Variants in AKT3 observed in about 807,000 individuals in gnomAD.
AKT3 encodes the protein AKT serine/threonine kinase 3, also known as RAC-gamma serine/threonine-protein kinase.
In AKT3, 15 loss-of-function variants were observed where a neutral mutation model predicts 65.3. The observed-to-expected ratio is 0.23, with a 90% confidence interval of 0.15 to 0.35. The LOEUF (loss-of-function observed/expected upper bound fraction) is 0.35, where lower values mean the gene tolerates loss of function less well. AKT3 is among the 10% of genes least tolerant of loss of function. AKT3 has a pLI of 1.00. For missense variants in AKT3, 243 were observed against 576.5 expected, an observed-to-expected ratio of 0.42 and a Z score of 5.92; for synonymous variants, 206 against 183.8, an observed-to-expected ratio of 1.12 and a Z score of -0.98.
chr1:243,845,895 C>T (rs542624819), intron 1 of AKT3, among the ~76,000 whole-genome samples: 49 of 152,192 alleles, frequency 3.2e-4, no homozygotes, highest in African/African-American at 1.2e-3. Context: ...GTCCCTGCCC[C>T]ACCCAGAGTG....
intron 4 of AKT3, among the ~76,000 whole-genome samples, chr1:243,646,573 T>C (rs1278084665): frequency 1.3e-5 from 2 of 152,114 alleles, no homozygotes; most frequent in Admixed American, 1.3e-4. Context: ...CAGGCTGGTC[T>C]CGAACTCCTG....
intron 8 of AKT3, among the ~76,000 whole-genome samples, chr1:243,596,445 T>A (rs886871031): frequency 2.0e-5 from 3 of 152,138 alleles, no homozygotes; most frequent in Non-Finnish European, 4.4e-5. Context: ...AATAGACAGG[T>A]CACAAAAGTA....
At chr1:243,583,315 C>A in intron 8 of AKT3, among the ~76,000 whole-genome samples, 1 of 149,762 alleles carries the variant, frequency 6.7e-6, no homozygotes, top group Non-Finnish European at 1.5e-5. Flanking sequence ...AAGACATAGA[C>A]AGCAACACAA....
intron 8 of AKT3, among the ~76,000 whole-genome samples, chr1:243,610,108 T>C (rs1046203529): frequency 3.3e-4 from 50 of 152,220 alleles, no homozygotes; most frequent in Non-Finnish European, 1.5e-4. Context: ...TTAATACATA[T>C]GTATTTTTGA....
intron 2 of AKT3, among the ~76,000 whole-genome samples, chr1:243,807,786 T>C (rs534367594): frequency 9.9e-5 from 15 of 152,174 alleles, no homozygotes; most frequent in African/African-American, 3.4e-4. Context: ...CAACCCCCAG[T>C]AGGGGCAGAC....
At chr1:243,793,671 C>G (rs1691770640) in intron 2 of AKT3, 1 of 151,354 alleles carries the variant, frequency 6.6e-6, no homozygotes, top group Non-Finnish European at 1.5e-5. Context: ...CCTCAGGAGG[C>G]TTAGAAGGGA....
chr1:243,491,956 G>A (rs1203119929), intron 13 of AKT3, among the ~76,000 whole-genome samples: 1 of 152,170 alleles, frequency 6.6e-6, no homozygotes, highest in African/African-American at 2.4e-5. Flanking sequence ...ATACCCAGAA[G>A]AGAATGGGTC....
chr1:243,675,324 T>C (rs962453115), intron 3 of AKT3, among the ~76,000 whole-genome samples: 6 of 152,274 alleles, frequency 3.9e-5, no homozygotes, highest in Admixed American at 2.0e-4. Flanking sequence ...CTCAGCCTCC[T>C]GAGTAACTGG....
chr1:243,522,010 G>T (rs544607036), intron 12 of AKT3, among the ~76,000 whole-genome samples: 5 of 152,292 alleles, frequency 3.3e-5, no homozygotes, highest in African/African-American at 1.2e-4. Flanking sequence ...GTTATACCTG[G>T]AGAGGATTCA....
At chr1:243,681,253 A>G (rs977326945) in intron 3 of AKT3, among the ~76,000 whole-genome samples, 7 of 152,308 alleles carry the variant, frequency 4.6e-5, no homozygotes, top group African/African-American at 1.7e-4. Context: ...GTACATATAT[A>G]TATGTATGTA....
At chr1:243,621,878 C>T (rs1315849087) in intron 6 of AKT3, among the ~76,000 whole-genome samples, 1 of 152,142 alleles carries the variant, frequency 6.6e-6, no homozygotes, top group Non-Finnish European at 1.5e-5. Context: ...TCAAAATACA[C>T]CCAAGGTCTC....
chr1:243,682,362 A>G (rs1683986305), intron 3 of AKT3, among the ~76,000 whole-genome samples: 1 of 152,166 alleles, frequency 6.6e-6, no homozygotes. Context: ...TCCAAGCTAC[A>G]GTTTATAACC....
intron 8 of AKT3, among the ~76,000 whole-genome samples, chr1:243,609,259 A>G (rs909136826): frequency 6.6e-6 from 1 of 152,156 alleles, no homozygotes; most frequent in Non-Finnish European, 1.5e-5. Context: ...ATCTAAAAAA[A>G]AAAAAATTGT....
intron 5 of AKT3, 114 bp from the exon 6 acceptor site, chr1:243,637,856 G>T: frequency 1.6e-6 from 1 of 632,150 alleles, no homozygotes; most frequent in Non-Finnish European, 2.5e-6. Flanking sequence ...CAATTTATAA[G>T]CACATTTAAA....
At chr1:243,671,629 G>A (rs1466865370) in intron 3 of AKT3, among the ~76,000 whole-genome samples, 2 of 152,174 alleles carry the variant, frequency 1.3e-5, no homozygotes, top group Non-Finnish European at 2.9e-5. Flanking sequence ...GGTGACTTAG[G>A]TGAGGCAGGT....
At chr1:243,807,575 C>G (rs1161097991) in intron 2 of AKT3, among the ~76,000 whole-genome samples, 1 of 152,354 alleles carries the variant, frequency 6.6e-6, no homozygotes, top group African/African-American at 2.4e-5. Context: ...CTAAAGGAGA[C>G]CTGCCTGCCT....
chr1:243,584,012 A>G (rs1324090349), intron 8 of AKT3, among the ~76,000 whole-genome samples: 1 of 152,152 alleles, frequency 6.6e-6, no homozygotes, highest in East Asian at 1.9e-4. Context: ...AAATCCACAT[A>G]ATGAAATGAT....
intron 2 of AKT3, among the ~76,000 whole-genome samples, chr1:243,768,614 G>A (rs1689975233): frequency 6.6e-6 from 1 of 152,090 alleles, no homozygotes; most frequent in South Asian, 2.1e-4. Context: ...GAGGTGGGCA[G>A]ATCACAGGTC....
intron 6 of AKT3, among the ~76,000 whole-genome samples, chr1:243,618,719 T>G (rs1446815428): frequency 6.6e-6 from 1 of 152,162 alleles, no homozygotes; most frequent in East Asian, 1.9e-4. Context: ...ATTTTATTTC[T>G]TCAGGCAGAA....
Sources: allele counts gnomAD v4.1 joint callset (sites outside exome capture counted in the v4.1 genomes callset), GRCh38; gene constraint gnomAD v4.1.1; transcripts MANE v1.5; gene names NCBI Gene and HGNC (gene_info 2026-07-23, HGNC 2026-07-21).